SRCAP: variants seen among roughly 807,000 people sequenced by gnomAD.
SRCAP encodes the protein chromatin remodeling protein SRCAP.
Under a neutral mutation model 263.1 loss-of-function variants are expected in SRCAP, and 46 were observed. That is an observed-to-expected ratio of 0.17 (90% CI 0.14 to 0.22). The LOEUF is 0.22. Among genes scored for constraint, SRCAP ranks in the 10% least tolerant of loss-of-function variants. SRCAP has a pLI of 1.00. For synonymous variants in SRCAP, 1,813 were observed against 1,662.1 expected, an observed-to-expected ratio of 1.09 and a Z score of -2.21; for missense variants, 3,695 against 4,181.9, an observed-to-expected ratio of 0.88 and a Z score of 3.21.
chr16:30,728,236 TACTG>T (rs2053081354), intron 25 of SRCAP, among the ~76,000 whole-genome samples: 1 of 152,234 alleles, frequency 6.6e-6, no homozygotes, highest in African/African-American at 2.4e-5. Flanking sequence ...TTGTGCTAGT[TACTG>T]AGTGATTATA....
rs151210143 is a variant in SRCAP at position 30,737,909 on chromosome 16, G to A, written c.7869G>A (p.Glu2623=). 1.2e-6 allele frequency: 2 copies of A among 1,614,198 alleles called. No individual in the cohort carries two copies. The highest frequency in any genetic ancestry group is 2.7e-5 in the African/African-American group (2 of 75,042). Residue 2623 remains glutamate, a synonymous_variant, in exon 34 of 34, where the codon GAG becomes GAA. Coordinates refer to ENST00000262518, the MANE Select transcript of SRCAP (RefSeq NM_006662.3). The part of the protein sequence containing the change: ...AGSIPNGQEQ[E]APDSAEGTTL... ...GCATCCCCAATGGTCAAGAGCAGGA[G>A]GCACCAGATTCTGCTGAGGGGACCA...
At chr16:30,722,863 T>C in intron 23 of SRCAP, 100 bp from the exon 24 acceptor site, 1 of 1,548,516 alleles carries the variant, frequency 6.5e-7, no homozygotes, top group African/African-American at 1.4e-5. Context: ...CGAATATCTA[T>C]GATACCTGTC....
Position 30,737,545 on chromosome 16 carries a change from C to T in SRCAP, c.7505C>T (p.Pro2502Leu). The T allele has an allele frequency of 2.5e-6, 4 of 1,612,752 alleles. No individual in the cohort carries two copies. Among genetic ancestry groups the T allele is most frequent in the South Asian group, 1.1e-5 (1 of 91,032 alleles). The change falls in exon 34 of 34, where the codon CCT (proline) becomes CTT (leucine). Residue 2502 changes from proline (P) to leucine (L), a missense_variant. Pro to Leu is a moderately conservative substitution (Grantham distance 98). This residue lies in a region of SRCAP where 1,207 missense variants were observed against 1,142.9 expected (regional missense o/e 1.06). Transcript: ENST00000262518. ...PPCSSPACTP[P>L]PACTPPPAHT... ...TGTTCTTCTCCTGCCTGCACCCCTC[C>T]TCCTGCCTGTACCCCTCCACCAGCT...
chr16:30,723,898 T>G lies in SRCAP; in HGVS notation c.4474T>G (p.Ser1492Ala). Residue 1492 changes from serine to alanine, a missense_variant, in exon 25 of 34, where the codon TCC becomes GCC. Ser to Ala is a moderately conservative substitution (Grantham distance 99). Coordinates refer to ENST00000262518, the MANE Select transcript of SRCAP (RefSeq NM_006662.3). ...TGTCCCAGCGGCTCCTGGACCTCCCTCCTTGGCACCATCTGGTGCTTCCCC... is the reference window on the plus strand; with the variant it reads ...TGTCCCAGCGGCTCCTGGACCTCCCGCCTTGGCACCATCTGGTGCTTCCCC... ...PVVPAAPGPP[S>A]LAPSGASPSA... 6.2e-7 allele frequency: 1 copy of G among 1,614,098 alleles called. No individual in the cohort carries two copies. Among genetic ancestry groups the G allele is most frequent in the African/African-American group, 1.3e-5 (1 of 74,990 alleles).
intron 8 of SRCAP, 140 bp downstream of exon 8, chr16:30,710,268 T>G: frequency 1.1e-6 from 1 of 921,888 alleles, no homozygotes. Context: ...TGGGGATGAC[T>G]GGGGAAGAAT....
At chr16:30,705,895 G>A (rs908648795) in intron 4 of SRCAP, among the ~76,000 whole-genome samples, 3 of 151,894 alleles carry the variant, frequency 2.0e-5, no homozygotes, top group Non-Finnish European at 2.9e-5. Context: ...TAGTAGACAC[G>A]GGGTTTCACC....
At chr16:30,725,817 G>C in intron 25 of SRCAP, 1 of 151,946 alleles carries the variant, frequency 6.6e-6, no homozygotes, top group Non-Finnish European at 1.5e-5. Context: ...ACAGATGGGG[G>C]TCTCCCACTC....
intron 3 of SRCAP, chr16:30,701,489 C>T (rs1412721297): frequency 6.6e-6 from 1 of 152,090 alleles, no homozygotes. Context: ...TCCTGAGAAA[C>T]TGGGGAAATT....
In SRCAP at chr16:30,711,745, G is replaced by C; in HGVS notation, c.1492+1G>C. The C allele has an allele frequency of 6.2e-7, 1 of 1,612,162 alleles. No homozygotes were observed. The highest frequency in any genetic ancestry group is 8.5e-7 in the Non-Finnish European group (1 of 1,178,770). On this transcript the variant is annotated splice_donor_variant, in intron 11 of 33. Coordinates refer to ENST00000262518, the MANE Select transcript of SRCAP (RefSeq NM_006662.3). LOFTEE classifies it high-confidence loss of function. ...CAGGAGGATAGTAGCAGTCAGTCAGGTGAATATGTGGTCATGAAGCAGGAG... is the reference window on the plus strand; with the variant it reads ...CAGGAGGATAGTAGCAGTCAGTCAGCTGAATATGTGGTCATGAAGCAGGAG...
intron 27 of SRCAP, among the ~76,000 whole-genome samples, chr16:30,732,249 G>A (rs2053120902): frequency 6.6e-6 from 1 of 152,038 alleles, no homozygotes; most frequent in South Asian, 2.1e-4. Context: ...GTCTGGATTT[G>A]GAGACCAGCC....
intron 14 of SRCAP, 130 bp from the exon 15 acceptor site, chr16:30,713,078 T>C (rs1213171891): frequency 1.8e-6 from 2 of 1,109,680 alleles, no homozygotes; most frequent in Admixed American, 2.2e-5. Flanking sequence ...TTTCTGTCGC[T>C]CCATTCTTTT....
rs185308084 is a variant in SRCAP at position 30,734,974 on chromosome 16, C to A, written c.6729+359C>A. ...CAGCACTTTGGGAGGCTGAGGCTCC[C>A]AGCTGGAGAGCTCTGAAAACACACA... On this transcript the variant is annotated intron_variant, in intron 31 of 33. Transcript: ENST00000262518. Among the ~76,000 whole-genome samples, 9 of 152,266 alleles carry A rather than the reference C, an allele frequency of 5.9e-5. No individual in the cohort carries two copies. The East Asian group carries it at 1.5e-3, about 26-fold the overall frequency.
chr16:30,738,447 C>A lies in SRCAP; in HGVS notation c.8407C>A (p.Pro2803Thr), dbSNP rs752848372. 2 of 1,558,606 alleles carry A rather than the reference C, an allele frequency of 1.3e-6. No individual in the cohort carries two copies. Among genetic ancestry groups the A allele is most frequent in the African/African-American group, 2.7e-5 (2 of 73,108 alleles). Reference sequence around the variant, plus strand: ...CAGCATGTCAGGGCCAGAATCCTCCCCTCCCATTGGTGGGCCCTGTGAAGC... The same window carrying A: ...CAGCATGTCAGGGCCAGAATCCTCCACTCCCATTGGTGGGCCCTGTGAAGC... Reference protein sequence around the residue: ...VRSMSGPESSPPIGGPCEAAP... With the variant: ...VRSMSGPESSTPIGGPCEAAP... The change falls in exon 34 of 34, where the codon CCT becomes ACT. Residue 2803 changes from proline to threonine, a missense_variant. Pro to Thr is a conservative substitution (Grantham distance 38). This residue lies in a region of SRCAP where 1,207 missense variants were observed against 1,142.9 expected (regional missense o/e 1.06). Coordinates refer to ENST00000262518, the MANE Select transcript of SRCAP (RefSeq NM_006662.3).
intron 27 of SRCAP, among the ~76,000 whole-genome samples, chr16:30,731,842 C>G (rs1284444416): frequency 6.6e-6 from 1 of 151,562 alleles, no homozygotes; most frequent in African/African-American, 2.4e-5. Flanking sequence ...AGGGTGAGAC[C>G]TTGTCTCAAA....
At chr16:30,715,889 G>C (rs945038439) in intron 16 of SRCAP, among the ~76,000 whole-genome samples, 177 bp from the exon 17 acceptor site, 1 of 152,096 alleles carries the variant, frequency 6.6e-6, no homozygotes, top group African/African-American at 2.4e-5. Flanking sequence ...GTATCATTTT[G>C]TGTCTGTCTC....
intron 27 of SRCAP, among the ~76,000 whole-genome samples, chr16:30,732,361 A>G (rs2053121696): frequency 6.6e-6 from 1 of 151,334 alleles, no homozygotes. Context: ...TGAGGCAGGA[A>G]AATTGCTTGA....
chr16:30,734,670 G>A (rs2053142809), intron 31 of SRCAP, 55 bp downstream of exon 31: 2 of 1,610,424 alleles, frequency 1.2e-6, no homozygotes, highest in Middle Eastern at 1.7e-4. Flanking sequence ...AGAATATCTT[G>A]TCTTTTGTTA....
intron 3 of SRCAP, among the ~76,000 whole-genome samples, chr16:30,702,583 C>CTCCCT (rs1363053324): frequency 7.8e-6 from 1 of 128,548 alleles, no homozygotes; most frequent in Non-Finnish European, 1.7e-5. Context: ...CCCTCCCTCC[C>CTCCCT]TCCCTTCCCT....
At chr16:30,732,682 A>G (rs1181530431) in intron 27 of SRCAP, among the ~76,000 whole-genome samples, 2 of 152,156 alleles carry the variant, frequency 1.3e-5, no homozygotes, top group Non-Finnish European at 2.9e-5. Context: ...TGTAATACTT[A>G]AGGATCTCTT....
Sources: allele counts gnomAD v4.1 joint callset (sites outside exome capture counted in the v4.1 genomes callset), GRCh38; gene constraint gnomAD v4.1.1; regional missense constraint gnomAD v4.1.1; transcripts MANE v1.5; gene names NCBI Gene and HGNC (gene_info 2026-07-23, HGNC 2026-07-21).